Variants in RANBP2 observed in about 807,000 individuals in gnomAD.
RANBP2 encodes the protein RAN binding protein 2.
RANBP2 carries 57 observed loss-of-function variants against 303.6 expected under a neutral mutation model. That is an observed-to-expected ratio of 0.19 (90% CI 0.15 to 0.23). The LOEUF is 0.23. RANBP2 is among the 10% of genes least tolerant of loss of function. The pLI, the probability that RANBP2 is intolerant of heterozygous loss-of-function variation, is 1.00. For synonymous variants in RANBP2, 1,167 were observed against 1,301.5 expected (o/e 0.90, Z 2.23); for missense variants, 3,138 against 3,780.8 (o/e 0.83, Z 4.46).
chr2:109,098,860 G>A, the RANBP2 span, among the ~76,000 whole-genome samples: 1 of 152,134 alleles, frequency 6.6e-6, no homozygotes, highest in South Asian at 2.1e-4. Context: ...CGGTTATTTG[G>A]CTGCCCTCCA....
the RANBP2 span, among the ~76,000 whole-genome samples, chr2:109,360,004 C>G: frequency 6.6e-6 from 1 of 151,502 alleles, no homozygotes; most frequent in Non-Finnish European, 1.5e-5. Flanking sequence ...CAGAATGTTT[C>G]CTCATCCACA....
At chr2:109,338,229 C>T in the RANBP2 span, among the ~76,000 whole-genome samples, 6 of 152,232 alleles carry the variant, frequency 3.9e-5, no homozygotes, top group African/African-American at 1.4e-4. Flanking sequence ...TTCGATCTCA[C>T]ATTTAGGATC....
the RANBP2 span, among the ~76,000 whole-genome samples, chr2:109,241,454 C>CT: frequency 7.9e-5 from 12 of 151,672 alleles, no homozygotes; most frequent in African/African-American, 2.2e-4. Flanking sequence ...TAGGAATGTC[C>CT]TTTTTTTTTC....
At chr2:109,578,223 G>T in the RANBP2 span, among the ~76,000 whole-genome samples, 14 of 152,120 alleles carry the variant, frequency 9.2e-5, no homozygotes, top group Non-Finnish European at 1.6e-4. Context: ...GGAATTACAC[G>T]ATCAAATAAA....
the RANBP2 span, among the ~76,000 whole-genome samples, chr2:109,667,500 A>G: frequency 6.6e-6 from 1 of 152,102 alleles, no homozygotes; most frequent in South Asian, 2.1e-4. Flanking sequence ...TTTAATGTGG[A>G]GTCATAGGCA....
the RANBP2 span, among the ~76,000 whole-genome samples, chr2:109,335,242 A>G: frequency 6.6e-6 from 1 of 152,214 alleles, no homozygotes; most frequent in Non-Finnish European, 1.5e-5. Flanking sequence ...CTGTGGGGCA[A>G]GGCCCCTCGC....
At chr2:109,761,365 C>T in the RANBP2 span, among the ~76,000 whole-genome samples, 3 of 151,170 alleles carry the variant, frequency 2.0e-5, 1 homozygote. Context: ...CCCAGGGAGA[C>T]TCCTTTCCTC....
the RANBP2 span, among the ~76,000 whole-genome samples, chr2:109,425,491 T>C: frequency 2.0e-5 from 3 of 152,162 alleles, no homozygotes; most frequent in African/African-American, 4.8e-5. Flanking sequence ...ACAGGCAGAC[T>C]CTCTTGTTAG....
At chr2:109,115,510 G>T in the RANBP2 span, among the ~76,000 whole-genome samples, 16 of 151,108 alleles carry the variant, frequency 1.1e-4, no homozygotes, top group African/African-American at 3.6e-4. Flanking sequence ...CTTTTATTTT[G>T]AGCCTATGTG....
At chr2:109,481,121 G>A in the RANBP2 span, among the ~76,000 whole-genome samples, 1 of 152,214 alleles carries the variant, frequency 6.6e-6, no homozygotes, top group Non-Finnish European at 1.5e-5. Context: ...AGAAAGGCAG[G>A]AGAAGAAACC....
chr2:109,322,771 A>T, the RANBP2 span, among the ~76,000 whole-genome samples: 1 of 152,220 alleles, frequency 6.6e-6, no homozygotes, highest in African/African-American at 2.4e-5. Context: ...AAGGATTCAA[A>T]TAAGAACCCT....
the RANBP2 span, among the ~76,000 whole-genome samples, chr2:109,761,853 G>A: frequency 6.7e-6 from 1 of 149,990 alleles, no homozygotes; most frequent in Non-Finnish European, 1.5e-5. Flanking sequence ...TTTTCCTTTT[G>A]CTTTAATTCA....
the RANBP2 span, among the ~76,000 whole-genome samples, chr2:109,106,661 C>T: frequency 1.3e-5 from 2 of 151,904 alleles, no homozygotes; most frequent in Non-Finnish European, 2.9e-5. Context: ...ACGGTGAAAC[C>T]CCGTCTCTAC....
the RANBP2 span, among the ~76,000 whole-genome samples, chr2:108,974,608 T>C: frequency 6.6e-6 from 1 of 151,844 alleles, no homozygotes; most frequent in Admixed American, 6.6e-5. Flanking sequence ...TGTGTGCCTG[T>C]AATCCCAGCT....
chr2:109,510,964 C>G, the RANBP2 span, among the ~76,000 whole-genome samples: 1 of 152,244 alleles, frequency 6.6e-6, no homozygotes, highest in Non-Finnish European at 1.5e-5. Context: ...AGCCCACCCT[C>G]TGCGCCCGCC....
At chr2:108,855,746 T>C in the RANBP2 span, among the ~76,000 whole-genome samples, 1 of 152,186 alleles carries the variant, frequency 6.6e-6, no homozygotes, top group South Asian at 2.1e-4. Context: ...TATTCTAAAC[T>C]TCTCATTCTT....
the RANBP2 span, among the ~76,000 whole-genome samples, chr2:108,840,115 G>A: frequency 6.6e-6 from 1 of 151,942 alleles, no homozygotes; most frequent in Non-Finnish European, 1.5e-5. Context: ...ATTGATACAT[G>A]TTCTTTTTCA....
At chr2:109,224,461 G>C in the RANBP2 span, among the ~76,000 whole-genome samples, 1 of 152,240 alleles carries the variant, frequency 6.6e-6, no homozygotes, top group Non-Finnish European at 1.5e-5. Context: ...TAGCAGCAGT[G>C]ATGGAAATGT....
the RANBP2 span, among the ~76,000 whole-genome samples, chr2:109,680,850 G>C: frequency 1.3e-5 from 2 of 152,164 alleles, no homozygotes; most frequent in African/African-American, 4.8e-5. Flanking sequence ...TGTTGGCAAG[G>C]ACGCAGAGCA....
Sources: gnomAD v4.1 joint callset for allele counts (sites outside exome capture counted in the v4.1 genomes callset) on GRCh38, gnomAD v4.1.1 for gene constraint, MANE v1.5 for transcripts, NCBI Gene and HGNC (gene_info 2026-07-23, HGNC 2026-07-21) for gene names.